Variants in STS observed in about 807,000 individuals in gnomAD.
STS encodes the protein steryl-sulfatase.
In STS, 7 loss-of-function variants were observed where a neutral mutation model predicts 26.8. That is an observed-to-expected ratio of 0.26 (90% CI 0.15 to 0.49). The LOEUF is 0.49. STS is among the 20% of genes least tolerant of loss of function. The pLI is 0.98. For synonymous variants in STS, 199 were observed against 189.4 expected (o/e 1.05, Z -0.42); for missense variants, 434 against 465.6 (o/e 0.93, Z 0.63).
intron 6 of STS, among the ~76,000 whole-genome samples, chrX:7,262,260 G>C (rs1356762750): frequency 4.5e-5 from 5 of 112,115 alleles, no homozygotes; most frequent in Non-Finnish European, 7.5e-5. Flanking sequence ...TTTGCTCCAT[G>C]AGGAGACTCA....
intron 5 of STS, 104 bp downstream of exon 5, chrX:7,257,692 C>CCCTAAGATAACTG: frequency 9.5e-7 from 1 of 1,052,601 alleles, no homozygotes; most frequent in Non-Finnish European, 1.3e-6. Flanking sequence ...TGACAGTTAT[C>CCCTAAGATAACTG]TTAGGGATGA....
intron 9 of STS, among the ~76,000 whole-genome samples, chrX:7,327,005 T>A (rs1319607592): frequency 1.8e-5 from 2 of 112,258 alleles, no homozygotes; most frequent in Non-Finnish European, 3.8e-5. Context: ...CTTTTCATTC[T>A]TCCATGATCG....
In STS at chrX:7,219,458, A is replaced by G. The variant is rs890443088; in HGVS notation, c.-5+28450A>G. 1.1e-5 allele frequency: 12 copies of G among 1,099,157 alleles called. No homozygotes were observed. The South Asian group carries it at 2.5e-4, about 23-fold the overall frequency. 90.6% of individuals were successfully genotyped at this position (1,099,157 alleles called of 1,213,427 possible). On this transcript the variant is annotated intron_variant, in intron 2 of 10. Coordinates refer to ENST00000674429, the MANE Select transcript of STS (RefSeq NM_001320752.2). ...CGCCTCACATTATCTGCCCAAGCAC[A>G]GTGCTGTTGGCCAAGCCTCCAGCAG... is the stretch of plus-strand genomic sequence containing the variant.
chrX:7,219,539 C>G (rs1021440731), intron 2 of STS: 1 of 1,192,279 alleles, frequency 8.4e-7, no homozygotes, highest in Non-Finnish European at 1.1e-6. Context: ...TGGCCTGCTT[C>G]AAAGCAGAGG....
chrX:7,181,558 C>T (rs1187876953), intron 1 of STS, among the ~76,000 whole-genome samples: 1 of 111,958 alleles, frequency 8.9e-6, no homozygotes, highest in East Asian at 2.8e-4. Flanking sequence ...GTCCAGGTCT[C>T]ACAGTGAACT....
chrX:7,208,724 G>C (rs1165753962), intron 2 of STS, among the ~76,000 whole-genome samples: 1 of 110,234 alleles, frequency 9.1e-6, no homozygotes, highest in African/African-American at 3.3e-5. Flanking sequence ...ACACGTTATA[G>C]TGAACTGAGT....
At chrX:7,313,161 A>G (rs1926561289) in intron 8 of STS, among the ~76,000 whole-genome samples, 1 of 112,208 alleles carries the variant, frequency 8.9e-6, no homozygotes, top group Non-Finnish European at 1.9e-5. Flanking sequence ...AACTCTATAG[A>G]TGGCTTCTGC....
At chrX:7,280,556 G>A (rs1248515507) in intron 7 of STS, among the ~76,000 whole-genome samples, 1 of 112,041 alleles carries the variant, frequency 8.9e-6, no homozygotes, top group Admixed American at 9.4e-5. Context: ...GCATTTTGGA[G>A]GCGTGTCATT....
intron 10 of STS, among the ~76,000 whole-genome samples, chrX:7,337,803 A>G (rs1305498530): frequency 8.9e-6 from 1 of 111,871 alleles, no homozygotes; most frequent in East Asian, 2.8e-4. Flanking sequence ...TAGATTAACA[A>G]CAGTTTGTTG....
intron 2 of STS, among the ~76,000 whole-genome samples, chrX:7,233,468 G>T (rs1922169690): frequency 9.0e-6 from 1 of 111,447 alleles, no homozygotes; most frequent in Non-Finnish European, 1.9e-5. Flanking sequence ...GGATCATATG[G>T]CAGTTCTAGT....
rs185247163 is a variant in STS, at chrX:7,326,397, T to G, written c.1241+899T>G. On this transcript the variant is annotated intron_variant, in intron 9 of 10. Transcript: ENST00000674429. ...GCATCGTGCTGACGCTCTTCTCGTC[T>G]GTTCACCCCACCGTAGCTTGCCATT... is the stretch of plus-strand genomic sequence containing the variant. Among the ~76,000 whole-genome samples the G allele has an allele frequency of 5.3e-3, 591 of 111,771 alleles. 6 individuals carry two copies. The highest frequency in any genetic ancestry group is 0.018 in the African/African-American group (565 of 30,744).
chrX:7,157,364 A>T (rs1331481810), intron 1 of STS, among the ~76,000 whole-genome samples: 1 of 111,006 alleles, frequency 9.0e-6, no homozygotes, highest in African/African-American at 3.3e-5. Context: ...AGTCTCTCTT[A>T]TGGGTTCTTT....
At position 7,325,362 on chromosome X, in the gene STS, G is replaced by T. The variant is rs767138089; in HGVS notation, c.1105G>T (p.Gly369Ter). The T allele has an allele frequency of 8.3e-7, 1 of 1,211,488 alleles. No individual in the cohort carries two copies. The change falls in exon 9 of 11, where the codon GGA becomes TGA. Residue 369 changes from glycine to a stop codon, truncating the protein, a stop_gained. Coordinates refer to ENST00000674429, the MANE Select transcript of STS (RefSeq NM_001320752.2). LOFTEE classifies it high-confidence loss of function. Reference sequence around the variant, plus strand: ...AGGAGGAAAAGCAAACAACTGGGAAGGAGGTATCCGGGTTCCAGGCATCCT... The same window carrying T: ...AGGAGGAAAAGCAAACAACTGGGAATGAGGTATCCGGGTTCCAGGCATCCT... ...YKGGKANNWE[G>*]GIRVPGILRW...
intron 7 of STS, among the ~76,000 whole-genome samples, chrX:7,294,230 G>A: frequency 9.0e-6 from 1 of 110,567 alleles, no homozygotes; most frequent in Non-Finnish European, 1.9e-5. Flanking sequence ...ATCTTACCTG[G>A]AATTTGTATC....
At chrX:7,164,637 G>A (rs1194731308) in intron 1 of STS, among the ~76,000 whole-genome samples, 1 of 110,158 alleles carries the variant, frequency 9.1e-6, no homozygotes, top group Admixed American at 9.8e-5. Flanking sequence ...CCAGACCTGG[G>A]GACTCTATGG....
At chrX:7,165,909 G>A (rs753487459) in intron 1 of STS, among the ~76,000 whole-genome samples, 6 of 111,566 alleles carry the variant, frequency 5.4e-5, no homozygotes, top group Admixed American at 9.5e-5. Flanking sequence ...ACTGGTCTAG[G>A]CTAGTGCCGT....
chrX:7,341,439 A>G (rs1399376467), intron 10 of STS, among the ~76,000 whole-genome samples: 1 of 111,075 alleles, frequency 9.0e-6, no homozygotes, highest in Admixed American at 9.6e-5. Context: ...CTCCCTCTCC[A>G]TGAATGTTCT....
intron 1 of STS, among the ~76,000 whole-genome samples, chrX:7,180,161 T>C (rs1436216711): frequency 9.0e-6 from 1 of 111,493 alleles, no homozygotes; most frequent in Non-Finnish European, 1.9e-5. Flanking sequence ...GCATTACATT[T>C]ATTGTGCACT....
chrX:7,298,715 A>G (rs1018927631), intron 7 of STS, among the ~76,000 whole-genome samples: 1 of 109,839 alleles, frequency 9.1e-6, no homozygotes, highest in Non-Finnish European at 1.9e-5. Flanking sequence ...AGGTGGTACA[A>G]TTATTGCAAC....
Sources: allele counts gnomAD v4.1 joint callset (sites outside exome capture counted in the v4.1 genomes callset), GRCh38; gene constraint gnomAD v4.1.1; transcripts MANE v1.5; gene names NCBI Gene and HGNC (gene_info 2026-07-23, HGNC 2026-07-21).